RBFOX1: variants seen among roughly 807,000 people sequenced by gnomAD.
RBFOX1 encodes RNA binding fox-1 homolog 1.
A neutral mutation model predicts 57.7 loss-of-function variants in RBFOX1; 8 were observed. The ratio of observed to expected loss-of-function variants is 0.14; its 90% CI spans 0.08 to 0.25. The LOEUF (loss-of-function observed/expected upper bound fraction) is 0.25, where lower values mean the gene tolerates loss of function less well. Ranked by LOEUF, RBFOX1 falls within the 10% of genes least tolerant of loss-of-function variation. The probability of loss-of-function intolerance (pLI) is 1.00; values close to 1 mark genes in which losing one functional copy is unlikely to be tolerated. For synonymous variants in RBFOX1, 326 were observed against 222.4 expected, an observed-to-expected ratio of 1.47 and a Z score of -4.15; for missense variants, 611 against 548.5, an observed-to-expected ratio of 1.11 and a Z score of -1.14.
At position 7,195,261 on chromosome 16, in the gene RBFOX1, A is replaced by G. The variant is rs148120492; in HGVS notation, c.27+143163A>G. Among the ~76,000 whole-genome samples the G allele has an allele frequency of 6.3e-3, 959 of 152,268 alleles. 14 individuals are homozygous for G. The highest frequency in any genetic ancestry group is 0.022 in the African/African-American group (913 of 41,546). On this transcript the variant is annotated intron_variant, in intron 4 of 15. Transcript: ENST00000550418. ...GTGATAATGTCTCTGGCTGAGCCTC[A>G]TTCTCTTAAATTAATTTCATCACAC...
intron 3 of RBFOX1, among the ~76,000 whole-genome samples, chr16:6,711,178 C>G (rs1353186746): frequency 2.0e-5 from 3 of 152,168 alleles, no homozygotes; most frequent in Admixed American, 6.5e-5. Flanking sequence ...TTGACTGCCA[C>G]CATGGGGACC....
chr16:7,038,177 C>G (rs1331439129), intron 3 of RBFOX1, among the ~76,000 whole-genome samples: 1 of 149,858 alleles, frequency 6.7e-6, no homozygotes, highest in East Asian at 2.2e-4. Context: ...AGTTTCCTGG[C>G]TATAGGGTAA....
chr16:6,455,597 C>T (rs1451945072), intron 2 of RBFOX1, among the ~76,000 whole-genome samples: 2 of 152,104 alleles, frequency 1.3e-5, no homozygotes, highest in African/African-American at 2.4e-5. Flanking sequence ...TTTCCAAGAC[C>T]AGTAGTGCTG....
chr16:6,568,154 C>T (rs62015490), intron 2 of RBFOX1, among the ~76,000 whole-genome samples: 50,670 of 152,048 alleles, frequency 0.33, 9,777 homozygotes, highest in Admixed American at 0.43. Context: ...CCAAAGTTAG[C>T]CTCTCAAAAC....
chr16:6,547,409 A>G (rs571438577), intron 2 of RBFOX1, among the ~76,000 whole-genome samples: 127 of 152,288 alleles, frequency 8.3e-4, no homozygotes, highest in African/African-American at 2.8e-3. Flanking sequence ...ATTACTGATA[A>G]TGATCAGTTT....
intron 3 of RBFOX1, among the ~76,000 whole-genome samples, chr16:6,678,909 T>G (rs1416543548): frequency 6.6e-6 from 1 of 152,178 alleles, no homozygotes; most frequent in Non-Finnish European, 1.5e-5. Context: ...CCTTCTTACA[T>G]GAAGCCATTT....
chr16:6,578,735 G>T (rs1041382462), intron 2 of RBFOX1, among the ~76,000 whole-genome samples: 20 of 152,018 alleles, frequency 1.3e-4, no homozygotes, highest in Admixed American at 5.2e-4. Context: ...TTTCAAGTCA[G>T]TTATCCCAAG....
In RBFOX1 at chr16:7,531,725, AT is replaced by A. The variant is rs2080125543; in HGVS notation, c.270+13340del. ...ATAGGCCTGGCAGATTCCAAAACCC[AT>A]TTTGTGTGATTACCCCGTTAGTAGT... On this transcript the variant is annotated intron_variant, in intron 5 of 15. Coordinates refer to ENST00000550418, the MANE Select transcript of RBFOX1 (RefSeq NM_018723.4). 2.0e-5 allele frequency among the ~76,000 whole-genome samples: 3 copies of A among 152,270 alleles called. No individual in the cohort carries two copies. In the South Asian group the frequency reaches 6.2e-4, roughly 32 times the overall value.
intron 3 of RBFOX1, among the ~76,000 whole-genome samples, chr16:6,853,612 G>A (rs998218448): frequency 3.9e-5 from 6 of 152,172 alleles, no homozygotes; most frequent in Admixed American, 2.6e-4. Flanking sequence ...GTATGAAGCA[G>A]TTTGATGGGA....
chr16:6,869,612 A>G (rs1223972274), intron 3 of RBFOX1, among the ~76,000 whole-genome samples: 1 of 152,174 alleles, frequency 6.6e-6, no homozygotes, highest in African/African-American at 2.4e-5. Context: ...AACAGGAAAA[A>G]TATAATTGGA....
At chr16:5,898,350 C>G (rs1306587903) in intron 4 of RBFOX1, among the ~76,000 whole-genome samples, 1 of 152,068 alleles carries the variant, frequency 6.6e-6, no homozygotes. Context: ...AGAGCAAGAT[C>G]TTAACTCTTC....
intron 4 of RBFOX1, among the ~76,000 whole-genome samples, chr16:5,984,976 A>ATT (rs869160414): frequency 2.3e-4 from 13 of 55,698 alleles, no homozygotes; most frequent in African/African-American, 8.7e-4. Context: ...ATATATATAT[A>ATT]TTTTTTTTTT....
At chr16:6,704,835 C>T (rs1041295905) in intron 3 of RBFOX1, 34 of 152,132 alleles carry the variant, frequency 2.2e-4, no homozygotes, top group African/African-American at 8.2e-4. Flanking sequence ...TTGTGCTTTC[C>T]ATCATCTTTT....
intron 4 of RBFOX1, among the ~76,000 whole-genome samples, chr16:5,948,824 C>A (rs1012443902): frequency 6.6e-6 from 1 of 152,194 alleles, no homozygotes; most frequent in Non-Finnish European, 1.5e-5. Flanking sequence ...TTTCTTACGG[C>A]ATCCCTGGGA....
intron 2 of RBFOX1, among the ~76,000 whole-genome samples, chr16:5,482,229 G>T (rs2151646025): frequency 6.6e-6 from 1 of 152,294 alleles, no homozygotes; most frequent in African/African-American, 2.4e-5. Context: ...CCAGGGTCGG[G>T]CAGCTCAAGC....
Position 5,326,040 on chromosome 16 carries a change from G to C in RBFOX1, c.219+85935G>C, listed in dbSNP as rs79864650. 4.3e-3 allele frequency among the ~76,000 whole-genome samples: 658 copies of C among 152,228 alleles called. 3 individuals carry two copies. Among genetic ancestry groups the C allele is most frequent in the African/African-American group, 0.015 (629 of 41,558 alleles). On this transcript the variant is annotated intron_variant, in intron 1 of 2. Transcript: ENST00000585867. The stretch of plus-strand genomic sequence containing the variant: ...TAATTTAGCTTACATACTTATATAA[G>C]AGTTTGGCATCAGAGTTTTTACACT...
At chr16:6,241,320 C>T (rs984719588) in intron 1 of RBFOX1, among the ~76,000 whole-genome samples, 1 of 152,206 alleles carries the variant, frequency 6.6e-6, no homozygotes, top group African/African-American at 2.4e-5. Flanking sequence ...TTGCTGTCCT[C>T]ATGGGTGGCA....
intron 1 of RBFOX1, among the ~76,000 whole-genome samples, chr16:6,127,608 T>A (rs574453023): frequency 6.6e-6 from 1 of 152,318 alleles, no homozygotes; most frequent in East Asian, 1.9e-4. Flanking sequence ...CCTTTTCAAA[T>A]AATTCTGTTC....
At chr16:7,471,199 G>A (rs920382015) in intron 4 of RBFOX1, among the ~76,000 whole-genome samples, 4 of 152,000 alleles carry the variant, frequency 2.6e-5, no homozygotes, top group South Asian at 2.1e-4. Context: ...CTTTTTTAAC[G>A]AGTGCCTGTT....
Sources: allele counts gnomAD v4.1 joint callset (sites outside exome capture counted in the v4.1 genomes callset), GRCh38; gene constraint gnomAD v4.1.1; transcripts MANE v1.5; gene names NCBI Gene and HGNC (gene_info 2026-07-23, HGNC 2026-07-21).